CTNNA2: variants seen among roughly 807,000 people sequenced by gnomAD.
The protein encoded by CTNNA2 is catenin alpha 2.
Under a neutral mutation model 101.0 loss-of-function variants are expected in CTNNA2, and 42 were observed. That is an observed-to-expected ratio of 0.42 (90% CI 0.32 to 0.54). CTNNA2 has a LOEUF of 0.54. Among genes scored for constraint, CTNNA2 ranks in the 20% least tolerant of loss-of-function variants. The probability of loss-of-function intolerance (pLI) is 0.14; values close to 1 mark genes in which losing one functional copy is unlikely to be tolerated. For missense variants in CTNNA2, 871 were observed against 1,223.1 expected (o/e 0.71, Z 4.29); for synonymous variants, 450 against 456.4 (o/e 0.99, Z 0.18).
rs140341645 is a variant in CTNNA2, at chr2:80,311,209, A to G, written c.1057-82002A>G. 1.3e-3 allele frequency among the ~76,000 whole-genome samples: 202 copies of G among 152,264 alleles called. 1 individual carries two copies. Among genetic ancestry groups the G allele is most frequent in the African/African-American group, 4.7e-3 (196 of 41,546 alleles). ...AATATATGGGCGCCCATGCCTTTAA[A>G]TGTTTATTCTAGAAGTGGAATTGGT... On this transcript the variant is annotated intron_variant, in intron 7 of 18. Transcript: ENST00000402739.
chr2:80,623,597 T>C (rs1337542447), intron 18 of CTNNA2, among the ~76,000 whole-genome samples: 1 of 152,038 alleles, frequency 6.6e-6, no homozygotes, highest in Non-Finnish European at 1.5e-5. Context: ...ATGAGTAGCA[T>C]TGAAAATGAT....
chr2:80,473,088 A>C (rs1572976468), intron 9 of CTNNA2, among the ~76,000 whole-genome samples: 1 of 152,358 alleles, frequency 6.6e-6, no homozygotes, highest in East Asian at 1.9e-4. Context: ...ACTATTTGAG[A>C]ACAACTAAAG....
chr2:79,968,015 A>G (rs1690199249), intron 7 of CTNNA2, among the ~76,000 whole-genome samples: 1 of 152,198 alleles, frequency 6.6e-6, no homozygotes, highest in Non-Finnish European at 1.5e-5. Context: ...ATCTATAGAG[A>G]AAGAACATAG....
At chr2:80,098,783 G>C (rs554426364) in intron 7 of CTNNA2, among the ~76,000 whole-genome samples, 1 of 152,194 alleles carries the variant, frequency 6.6e-6, no homozygotes, top group Non-Finnish European at 1.5e-5. Flanking sequence ...GGGAGGCTTC[G>C]TGGGCATAGG....
intron 3 of CTNNA2, among the ~76,000 whole-genome samples, chr2:79,367,006 C>T (rs767149952): frequency 4.6e-5 from 7 of 152,104 alleles, no homozygotes; most frequent in Non-Finnish European, 8.8e-5. Context: ...CCCTAATCTC[C>T]AATGTATGTG....
At chr2:79,420,035 G>A (rs1678524473) in intron 4 of CTNNA2, among the ~76,000 whole-genome samples, 1 of 151,952 alleles carries the variant, frequency 6.6e-6, no homozygotes, top group Non-Finnish European at 1.5e-5. Context: ...GTTATGAAAT[G>A]GCCCTCACTT....
chr2:80,354,564 T>C (rs146231363), intron 7 of CTNNA2, among the ~76,000 whole-genome samples: 2 of 152,238 alleles, frequency 1.3e-5, no homozygotes, highest in African/African-American at 4.8e-5. Flanking sequence ...GTGAGGATTG[T>C]GAAAGCAAAT....
chr2:79,833,801 A>T (rs1010907476), intron 3 of CTNNA2, among the ~76,000 whole-genome samples: 1 of 152,204 alleles, frequency 6.6e-6, no homozygotes, highest in Admixed American at 6.6e-5. Context: ...TTTTTGCCAT[A>T]TATGCATCCA....
At chr2:79,452,805 C>G (rs376763) in intron 4 of CTNNA2, among the ~76,000 whole-genome samples, 45,393 of 151,856 alleles carry the variant, frequency 0.3, 7,026 homozygotes, top group South Asian at 0.45. Flanking sequence ...CTAATGCATC[C>G]TTCATTATCA....
At chr2:79,563,581 G>A (rs1674928405) in intron 1 of CTNNA2, among the ~76,000 whole-genome samples, 1 of 151,858 alleles carries the variant, frequency 6.6e-6, no homozygotes, top group Non-Finnish European at 1.5e-5. Context: ...TTCCATATTT[G>A]GTCAAAACAA....
intron 2 of CTNNA2, among the ~76,000 whole-genome samples, chr2:79,277,025 T>A (rs1482973995): frequency 6.6e-6 from 1 of 151,818 alleles, no homozygotes; most frequent in Admixed American, 6.6e-5. Context: ...ATCCACCGAG[T>A]TTTTTGCTTT....
At chr2:79,627,540 A>C (rs572921990) in intron 1 of CTNNA2, among the ~76,000 whole-genome samples, 3 of 152,230 alleles carry the variant, frequency 2.0e-5, no homozygotes, top group Non-Finnish European at 4.4e-5. Flanking sequence ...CCATTATACC[A>C]TAACTGAAAA....
chr2:80,105,605 C>T (rs753072946), intron 7 of CTNNA2, among the ~76,000 whole-genome samples: 24 of 152,110 alleles, frequency 1.6e-4, no homozygotes, highest in Non-Finnish European at 1.3e-4. Context: ...GCATGGTTGG[C>T]GCATGGCTGT....
chr2:80,042,293 T>G (rs1462118341), intron 7 of CTNNA2, among the ~76,000 whole-genome samples: 1 of 152,148 alleles, frequency 6.6e-6, no homozygotes, highest in African/African-American at 2.4e-5. Flanking sequence ...TTTTGTTCTG[T>G]TTTTGTTTGT....
chr2:80,149,264 C>G (rs1328791873), intron 7 of CTNNA2, among the ~76,000 whole-genome samples: 1 of 152,068 alleles, frequency 6.6e-6, no homozygotes, highest in Non-Finnish European at 1.5e-5. Context: ...GTCTTGAACT[C>G]CTGGCCTCAA....
chr2:79,613,768 C>G (rs886466616), intron 1 of CTNNA2, among the ~76,000 whole-genome samples: 2 of 152,196 alleles, frequency 1.3e-5, no homozygotes, highest in African/African-American at 4.8e-5. Flanking sequence ...GATCCTCCTG[C>G]CTTGGCCTCC....
At chr2:80,183,522 A>G (rs1009077244) in intron 7 of CTNNA2, among the ~76,000 whole-genome samples, 2 of 152,152 alleles carry the variant, frequency 1.3e-5, no homozygotes, top group Non-Finnish European at 2.9e-5. Flanking sequence ...ATTTTCTTTT[A>G]ATGGTCTTTA....
chr2:80,305,089 A>G, intron 7 of CTNNA2: 1 of 985,296 alleles, frequency 1.0e-6, no homozygotes, highest in Non-Finnish European at 1.2e-6. Context: ...AGGAATCTGT[A>G]GAGAAATCAA....
intron 3 of CTNNA2, among the ~76,000 whole-genome samples, chr2:79,354,112 T>C (rs1677452552): frequency 6.6e-6 from 1 of 152,150 alleles, no homozygotes; most frequent in African/African-American, 2.4e-5. Flanking sequence ...GAATACTTTT[T>C]CTTTTGAGTT....
Sources: gnomAD v4.1 joint callset for allele counts (sites outside exome capture counted in the v4.1 genomes callset) on GRCh38, gnomAD v4.1.1 for gene constraint, MANE v1.5 for transcripts, NCBI Gene and HGNC (gene_info 2026-07-23, HGNC 2026-07-21) for gene names.